Variants in HTATSF1 observed in about 807,000 individuals in gnomAD.
The protein encoded by HTATSF1 is HIV-1 Tat specific factor 1, also known as 17S U2 SnRNP complex component HTATSF1.
A neutral mutation model predicts 46.1 loss-of-function variants in HTATSF1; 6 were observed. That is an observed-to-expected ratio of 0.13 (90% CI 0.07 to 0.26). The LOEUF is 0.26. Ranked by LOEUF, HTATSF1 falls within the 10% of genes least tolerant of loss-of-function variation. The pLI is 1.00. For synonymous variants in HTATSF1, 226 were observed against 211.5 expected (o/e 1.07, Z -0.60); for missense variants, 452 against 559.9 (o/e 0.81, Z 1.94).
chrX:136,499,977 A>T (rs1603305977), intron 2 of HTATSF1, among the ~76,000 whole-genome samples, 181 bp from the exon 3 acceptor site: 1 of 111,897 alleles, frequency 8.9e-6, no homozygotes, highest in Non-Finnish European at 1.9e-5. Context: ...ATTATTTCTC[A>T]AAAGATTTAA....
intron 5 of HTATSF1, 131 bp from the exon 6 acceptor site, chrX:136,504,230 TTTG>T (rs968657666): frequency 9.2e-6 from 4 of 432,502 alleles, no homozygotes; most frequent in Non-Finnish European, 4.0e-6. Flanking sequence ...TGAAATACAG[TTTG>T]TTGTTGTAAA....
intron 4 of HTATSF1, among the ~76,000 whole-genome samples, chrX:136,502,500 C>G (rs1039500353): frequency 4.2e-4 from 46 of 110,720 alleles, no homozygotes; most frequent in African/African-American, 1.4e-3. Flanking sequence ...AAGGTATTAA[C>G]TATTTCCATT....
intron 6 of HTATSF1, 53 bp downstream of exon 6, chrX:136,504,516 A>C: frequency 1.0e-6 from 1 of 966,209 alleles, no homozygotes; most frequent in Non-Finnish European, 1.5e-6. Flanking sequence ...TTTTTCTCTC[A>C]AGGGAGCCTG....
At chrX:136,505,372 A>G (rs1025438169) in intron 6 of HTATSF1, among the ~76,000 whole-genome samples, 12 of 111,652 alleles carry the variant, frequency 1.1e-4, no homozygotes, top group African/African-American at 3.6e-4. Context: ...CTCTATCTCA[A>G]TGAATAGTGT....
chrX:136,511,324 A>G lies in HTATSF1; in HGVS notation c.1579A>G (p.Lys527Glu). 8.3e-7 allele frequency: 1 copy of G among 1,206,407 alleles called. No homozygotes were observed. Residue 527 changes from lysine to glutamate, a missense_variant, in exon 9 of 9, where the codon AAG becomes GAG. Around this residue, in one of 3 missense-constraint regions of HTATSF1, gnomAD observed 246 missense variants for 245.3 expected, o/e 1.00. Transcript: ENST00000218364. ...AAAGGAATCTGAAGATGACCTCAAC[A>G]AGGAGTCTGAAGAGGAGGTTGGCCC... is the stretch of plus-strand genomic sequence containing the variant. ...LAKESEDDLN[K>E]ESEEEVGPTK...
rs1169352282 is a variant in HTATSF1, at chrX:136,511,983, C to G, written c.2238C>G (p.Leu746=). ...GPLSTGSSFI[L]SSDDDDDDI ...TATCCACTGGCAGCAGCTTTATTCT[C>G]AGTAGCGATGATGATGACGATGATA... Residue 746 remains leucine, a synonymous_variant, in exon 9 of 9, where the codon CTC becomes CTG. Transcript: ENST00000218364. The G allele has an allele frequency of 1.7e-6, 2 of 1,203,116 alleles. No homozygotes were observed. The highest frequency in any genetic ancestry group is 2.2e-6 in the Non-Finnish European group (2 of 892,050).
Position 136,497,798 on chromosome X carries a change from C to G in HTATSF1, c.114C>G (p.Pro38=), listed in dbSNP as rs761580893. Residue 38 remains proline (P), a synonymous_variant, in exon 1 of 9, where the codon CCC becomes CCG. Transcript: ENST00000218364. ...GDTQTDAGGE[P]DSLGQQPTDT... is the part of the protein sequence containing the mutation. ...CCCAGACCGATGCCGGCGGAGAACC[C>G]GATTCTCTCGGGCAGCAGCCGACGG... is the stretch of plus-strand genomic sequence containing the variant. 8.3e-7 allele frequency: 1 copy of G among 1,198,984 alleles called. No individual in the cohort carries two copies. Among genetic ancestry groups the G allele is most frequent in the Non-Finnish European group, 1.1e-6 (1 of 887,458 alleles).
chrX:136,508,983 A>T, intron 6 of HTATSF1, 108 bp from the exon 7 acceptor site: 1 of 577,763 alleles, frequency 1.7e-6, no homozygotes, highest in Non-Finnish European at 2.9e-6. Context: ...ACACAACCTT[A>T]AGCAAAACCT....
intron 2 of HTATSF1, 47 bp downstream of exon 2, chrX:136,499,825 T>C (rs1264033133): frequency 7.2e-6 from 7 of 966,566 alleles, no homozygotes; most frequent in Non-Finnish European, 9.8e-6. Context: ...ATTAAAAATA[T>C]GGGTGTGCAT....
rs767847540 is a variant in HTATSF1 at position 136,511,758 on chromosome X, G to A, written c.2013G>A (p.Lys671=). ...CGGAAGAAGGTGATGCAGATGAAAA[G>A]CTGTTTGAAGAGTCAGATGACAAGG... The part of the protein sequence containing the change: ...KKAEEGDADE[K]LFEESDDKED... The change falls in exon 9 of 9, where the codon AAG becomes AAA. Residue 671 remains lysine, a synonymous_variant. Coordinates refer to ENST00000218364, the MANE Select transcript of HTATSF1 (RefSeq NM_014500.5). 1.7e-6 allele frequency: 2 copies of A among 1,212,038 alleles called. No homozygotes were observed. Among genetic ancestry groups the A allele is most frequent in the Non-Finnish European group, 2.2e-6 (2 of 895,600 alleles).
In HTATSF1 at chrX:136,497,680, G is replaced by T. The variant is rs1224009336; in HGVS notation, c.-5G>T. Reference sequence around the variant, plus strand: ...TGAACCCTGCTCCTGAGCTAGGTAGGAAACATGAGCGGCACCAACTTGGAT... The same window carrying T: ...TGAACCCTGCTCCTGAGCTAGGTAGTAAACATGAGCGGCACCAACTTGGAT... On this transcript the variant is annotated 5_prime_UTR_variant, in exon 1 of 9. Transcript: ENST00000218364. 8.4e-7 allele frequency: 1 copy of T among 1,188,543 alleles called. No individual in the cohort carries two copies. The highest frequency in any genetic ancestry group is 1.8e-5 in the South Asian group (1 of 54,531).
In HTATSF1 at chrX:136,502,786, T is replaced by C. The variant is rs773882127; in HGVS notation, c.579T>C (p.Ser193=). 1 of 1,145,084 alleles carries C rather than the reference T, an allele frequency of 8.7e-7. No individual in the cohort carries two copies. The highest frequency in any genetic ancestry group is 1.2e-6 in the Non-Finnish European group (1 of 857,231). 94.4% of individuals were successfully genotyped at this position (1,145,084 alleles called of 1,213,427 possible). ...GTCTTACATTTATAAAGAGAGAATC[T>C]GTGGAACTTGCATTAAAACTTTTGG... ...DGLCCYLKRE[S]VELALKLLDE... is the part of the protein sequence containing the mutation. The change falls in exon 5 of 9, where the codon TCT becomes TCC. Residue 193 remains serine, a synonymous_variant. Transcript: ENST00000218364.
In HTATSF1 at chrX:136,497,880, T is replaced by C; in HGVS notation, c.186+10T>C. On this transcript the variant is annotated intron_variant, in intron 1 of 8. Coordinates refer to ENST00000218364, the MANE Select transcript of HTATSF1 (RefSeq NM_014500.5). ...GGCTTGGTTCCCCAAGGTAGGAGAG[T>C]GCCACGGGCGCCACTGCAGAGCGGG... is the stretch of plus-strand genomic sequence containing the variant. 1 of 1,133,979 alleles carries C rather than the reference T, an allele frequency of 8.8e-7. No individual in the cohort carries two copies. Among genetic ancestry groups the C allele is most frequent in the Non-Finnish European group, 1.2e-6 (1 of 848,067 alleles). The allele number at this position is 1,133,979 out of a possible 1,213,427, so 93.5% of individuals were successfully genotyped here.
chrX:136,503,860 C>CTTTTA (rs897174650), intron 5 of HTATSF1, among the ~76,000 whole-genome samples: 5 of 111,006 alleles, frequency 4.5e-5, no homozygotes, highest in Non-Finnish European at 9.4e-5. Context: ...TTGCCTCTGC[C>CTTTTA]TTTTATTTTA....
chrX:136,500,301 AT>A, intron 3 of HTATSF1, 96 bp downstream of exon 3: 2 of 580,863 alleles, frequency 3.4e-6, no homozygotes, highest in East Asian at 3.4e-5. Context: ...TCCAGAGTCC[AT>A]TTTTTATCAT....
chrX:136,507,701 A>G (rs1358242332), intron 6 of HTATSF1, among the ~76,000 whole-genome samples: 1 of 111,586 alleles, frequency 9.0e-6, no homozygotes, highest in Non-Finnish European at 1.9e-5. Flanking sequence ...TTTTGATATA[A>G]TCCTGATTTT....
chrX:136,502,047 G>T (rs887336953), intron 4 of HTATSF1, among the ~76,000 whole-genome samples: 1 of 111,673 alleles, frequency 9.0e-6, no homozygotes, highest in Admixed American at 9.5e-5. Flanking sequence ...TATGTGAGCA[G>T]CTGAGTTCAG....
chrX:136,500,567 G>T, intron 3 of HTATSF1, 97 bp from the exon 4 acceptor site: 1 of 545,525 alleles, frequency 1.8e-6, no homozygotes, highest in Non-Finnish European at 2.9e-6. Context: ...AATCAACATT[G>T]CATTCACCTA....
rs999123881 is a variant in HTATSF1 at position 136,512,212 on chromosome X, C to T, written c.*199C>T. 4 of 340,264 alleles carry T rather than the reference C, an allele frequency of 1.2e-5. No individual in the cohort carries two copies. Among genetic ancestry groups the T allele is most frequent in the Non-Finnish European group, 2.0e-5 (4 of 202,953 alleles). The allele number at this position is 340,264 out of a possible 1,213,427, so 28.0% of individuals were successfully genotyped here. Reference sequence around the variant, plus strand: ...TTGTTTAGTTAAAATGTCATAGTTACAATGCAAGTAAACTGGATACTTGTT... The same window carrying T: ...TTGTTTAGTTAAAATGTCATAGTTATAATGCAAGTAAACTGGATACTTGTT... On this transcript the variant is annotated 3_prime_UTR_variant, in exon 9 of 9. Transcript: ENST00000218364.
Sources: gnomAD v4.1 joint callset for allele counts (sites outside exome capture counted in the v4.1 genomes callset) on GRCh38, gnomAD v4.1.1 for gene constraint, gnomAD v4.1.1 regional missense constraint, MANE v1.5 for transcripts, NCBI Gene and HGNC (gene_info 2026-07-23, HGNC 2026-07-21) for gene names.